CEP192: variants seen among roughly 807,000 people sequenced by gnomAD.
The protein encoded by CEP192 is centrosomal protein 192.
CEP192 carries 151 observed loss-of-function variants against 271.8 expected under a neutral mutation model. The ratio of observed to expected loss-of-function variants is 0.56; its 90% CI spans 0.49 to 0.64. The LOEUF is 0.64. Among genes scored for constraint, CEP192 ranks in the 30% least tolerant of loss-of-function variants. CEP192 has a pLI of 0.00. For synonymous variants in CEP192, 995 were observed against 1,076.5 expected (o/e 0.92, Z 1.48); for missense variants, 2,910 against 3,020.5 (o/e 0.96, Z 0.86).
At position 13,056,488 on chromosome 18, in the gene CEP192, G is replaced by T. The variant is rs1197041956; in HGVS notation, c.3898G>T (p.Ala1300Ser). Residue 1300 changes from alanine (A) to serine (S), a missense_variant, in exon 19 of 45, where the codon GCA becomes TCA. Ala to Ser is a moderately conservative substitution (Grantham distance 99, BLOSUM62 1). Transcript: ENST00000506447. Reference sequence around the variant, plus strand: ...AGGAGGCCTTCCCTATCCAGCTGTTGCAGGAGAGCCTGTGCAGAACTCTGT... The same window carrying T: ...AGGAGGCCTTCCCTATCCAGCTGTTTCAGGAGAGCCTGTGCAGAACTCTGT... Reference protein sequence around the residue: ...FSGGLPYPAVAGEPVQNSVAV... With the variant: ...FSGGLPYPAVSGEPVQNSVAV... 1 of 1,614,108 alleles carries T rather than the reference G, an allele frequency of 6.2e-7. No homozygotes were observed. Among genetic ancestry groups the T allele is most frequent in the Non-Finnish European group, 8.5e-7 (1 of 1,180,042 alleles).
Position 13,055,796 on chromosome 18 carries a change from A to G in CEP192, c.3206A>G (p.Glu1069Gly), listed in dbSNP as rs1194004604. 6.4e-7 allele frequency: 1 copy of G among 1,565,260 alleles called. No homozygotes were observed. Among genetic ancestry groups the G allele is most frequent in the Non-Finnish European group, 8.6e-7 (1 of 1,158,614 alleles). ...LEDRKSDITS[E>G]LSTTIIQGSP... ...TGCACTCAGAGTGATATCACCAGCG[A>G]GTTGAGTACCACAATTATTCAAGGC... is the stretch of plus-strand genomic sequence containing the variant. Residue 1069 changes from glutamate to glycine, a missense_variant, in exon 19 of 45, where the codon GAG (glutamate) becomes GGG (glycine). Physicochemically the swap from Glu to Gly is moderately conservative, Grantham distance 98 (BLOSUM62 -2). Coordinates refer to ENST00000506447, the MANE Select transcript of CEP192 (RefSeq NM_032142.4).
At chr18:13,072,193 C>A (rs2038050297) in intron 28 of CEP192, among the ~76,000 whole-genome samples, 1 of 152,178 alleles carries the variant, frequency 6.6e-6, no homozygotes, top group Non-Finnish European at 1.5e-5. Flanking sequence ...ATTCTCTGTT[C>A]TCCAATGAAG....
intron 30 of CEP192, among the ~76,000 whole-genome samples, chr18:13,084,480 A>G (rs2038792542): frequency 6.6e-6 from 1 of 152,150 alleles, no homozygotes; most frequent in African/African-American, 2.4e-5. Context: ...AGTGTTGGAA[A>G]AGCACAGTAT....
At chr18:13,034,941 G>A (rs571738990) in intron 11 of CEP192, among the ~76,000 whole-genome samples, 36 of 152,022 alleles carry the variant, frequency 2.4e-4, no homozygotes, top group African/African-American at 3.9e-4. Context: ...CTGAGAGTTC[G>A]ACAGTGGGGG....
At position 13,038,594 on chromosome 18, in the gene CEP192, T is replaced by C. The variant is rs1332335131; in HGVS notation, c.1809+15T>C. On this transcript the variant is annotated intron_variant, in intron 13 of 44. Transcript: ENST00000506447. ...ATGTGAAAAGAGTAAGTATGGAATC[T>C]GTTGGAAGTGCTCACAGTCACCAGA... 1 of 1,530,914 alleles carries C rather than the reference T, an allele frequency of 6.5e-7. No individual in the cohort carries two copies. The highest frequency in any genetic ancestry group is 1.2e-5 in the South Asian group (1 of 83,594). 94.8% of individuals were successfully genotyped at this position (1,530,914 alleles called of 1,614,324 possible).
At chr18:13,058,125 A>G (rs2037212509) in intron 20 of CEP192, 1 of 152,748 alleles carries the variant, frequency 6.5e-6, no homozygotes, top group Admixed American at 6.5e-5. Context: ...TTATGCCTTC[A>G]TTTGGCAAGG....
chr18:13,021,249 AAG>A (rs1244904642), intron 9 of CEP192, among the ~76,000 whole-genome samples: 6 of 152,354 alleles, frequency 3.9e-5, no homozygotes, highest in South Asian at 4.1e-4. Context: ...AAAAGGGAAA[AAG>A]AAAACGATTG....
chr18:13,047,994 T>C (rs1348032019), intron 15 of CEP192, among the ~76,000 whole-genome samples: 1 of 152,238 alleles, frequency 6.6e-6, no homozygotes, highest in Non-Finnish European at 1.5e-5. Flanking sequence ...TAATTAAAGT[T>C]GATAGCAGCT....
intron 9 of CEP192, among the ~76,000 whole-genome samples, chr18:13,025,290 C>T (rs1029431049): frequency 2.0e-5 from 3 of 151,912 alleles, no homozygotes; most frequent in Non-Finnish European, 2.9e-5. Context: ...GATTATAGCT[C>T]ACTACAGCCT....
At chr18:13,114,021 T>C in intron 41 of CEP192, 109 bp from the exon 42 acceptor site, 3 of 1,292,962 alleles carry the variant, frequency 2.3e-6, no homozygotes, top group Non-Finnish European at 2.1e-6. Flanking sequence ...AAATCTTAAA[T>C]TGCCTTTTAA....
Position 13,055,871 on chromosome 18 carries a change from T to C in CEP192, c.3281T>C (p.Val1094Ala). 1 of 1,613,504 alleles carries C rather than the reference T, an allele frequency of 6.2e-7. No individual in the cohort carries two copies. Among genetic ancestry groups the C allele is most frequent in the Non-Finnish European group, 8.5e-7 (1 of 1,179,826 alleles). ...ERAMEKLREK[V>A]PFQNRGKGTL... ...GCTATGGAAAAATTGAGAGAAAAAG[T>C]TCCATTTCAGAATAGAGGAAAAGGA... Residue 1094 changes from valine to alanine, a missense_variant, in exon 19 of 45, where the codon GTT (valine) becomes GCT (alanine). Transcript: ENST00000506447.
intron 40 of CEP192, among the ~76,000 whole-genome samples, chr18:13,109,776 T>A (rs887600441): frequency 3.3e-5 from 5 of 151,522 alleles, no homozygotes; most frequent in African/African-American, 4.9e-5. Context: ...TTGGAAAAAA[T>A]AATAATAATA....
chr18:13,007,207 T>TA (rs2034038024), intron 3 of CEP192, among the ~76,000 whole-genome samples: 1 of 152,248 alleles, frequency 6.6e-6, no homozygotes, highest in Non-Finnish European at 1.5e-5. Flanking sequence ...TGGTAGTTCT[T>TA]ACCCAGATTG....
chr18:13,096,262 C>T lies in CEP192; in HGVS notation c.6512C>T (p.Ala2171Val), dbSNP rs759227169. The T allele has an allele frequency of 6.8e-6, 11 of 1,613,860 alleles. No homozygotes were observed. Among genetic ancestry groups the T allele is most frequent in the African/African-American group, 1.3e-5 (1 of 74,938 alleles). Residue 2171 changes from alanine (A) to valine (V), a missense_variant, in exon 36 of 45, where the codon GCG becomes GTG. Ala to Val is a moderately conservative substitution (Grantham distance 64). Coordinates refer to ENST00000506447, the MANE Select transcript of CEP192 (RefSeq NM_032142.4). ...CTGAGATTTGAGCTGTGCTGGCCAGCGCATTGCCTCACAGTCACGCCGCAG... is the reference window on the plus strand; with the variant it reads ...CTGAGATTTGAGCTGTGCTGGCCAGTGCATTGCCTCACAGTCACGCCGCAG... ...RLLRFELCWP[A>V]HCLTVTPQHG... is the part of the protein sequence containing the mutation.
rs754185440 is a variant in CEP192, at chr18:13,037,344, G to A, written c.1599+43G>A. ...TTATCCAAAATTTAAAATTTTTCCT[G>A]TATTAGTGTAAGTGTAGGCACAGTG... On this transcript the variant is annotated intron_variant, in intron 12 of 44. Coordinates refer to ENST00000506447, the MANE Select transcript of CEP192 (RefSeq NM_032142.4). 6.1e-6 allele frequency: 5 copies of A among 823,600 alleles called. No homozygotes were observed. The Admixed American group carries it at 6.6e-5, about 11-fold the overall frequency. 51.0% of individuals were successfully genotyped at this position (823,600 alleles called of 1,614,324 possible). A position where few individuals can be genotyped will look rare whatever the true frequency, so the allele number is the denominator to read the frequency against.
At position 13,100,308 on chromosome 18, in the gene CEP192, A is replaced by G. The variant is rs188080027; in HGVS notation, c.6667A>G (p.Ile2223Val). 1.9e-6 allele frequency: 3 copies of G among 1,612,876 alleles called. No individual in the cohort carries two copies. The African/African-American group carries it at 4.0e-5, about 21-fold the overall frequency. Residue 2223 changes from isoleucine (I) to valine (V), a missense_variant, in exon 38 of 45, where the codon ATT becomes GTT. Transcript: ENST00000506447. ...YIHCDDGQKK[I>V]VKVQIREDLT... is the part of the protein sequence containing the mutation. ...CCCTTTATTTGGCTCATTTCAGAAA[A>G]TTGTGAAAGTTCAAATTCGAGAAGA...
At chr18:13,028,541 C>T (rs1568302907) in intron 9 of CEP192, among the ~76,000 whole-genome samples, 1 of 152,090 alleles carries the variant, frequency 6.6e-6, no homozygotes, top group African/African-American at 2.4e-5. Flanking sequence ...ATTTTTGAGA[C>T]GAAGTCTCAC....
At chr18:13,009,160 G>A (rs1049000517) in intron 4 of CEP192, among the ~76,000 whole-genome samples, 5 of 151,914 alleles carry the variant, frequency 3.3e-5, no homozygotes, top group African/African-American at 4.8e-5. Flanking sequence ...TCCTGGCTTC[G>A]ATGTATTCAT....
chr18:13,112,468 A>C (rs2040250412), intron 40 of CEP192, among the ~76,000 whole-genome samples: 1 of 152,222 alleles, frequency 6.6e-6, no homozygotes, highest in South Asian at 2.1e-4. Flanking sequence ...GGATTAGCTG[A>C]GATACTGAAT....
Sources: gnomAD v4.1 joint callset for allele counts (sites outside exome capture counted in the v4.1 genomes callset) on GRCh38, gnomAD v4.1.1 for gene constraint, MANE v1.5 for transcripts, NCBI Gene and HGNC (gene_info 2026-07-23, HGNC 2026-07-21) for gene names.